The following PRSS21 variants were observed in gnomAD, a reference collection of about 807,000 sequenced individuals.
PRSS21 encodes serine protease 21.
In PRSS21, 40 loss-of-function variants were observed where a neutral mutation model predicts 31.1. That is an observed-to-expected ratio of 1.29 (90% CI 1.00 to 1.68). The LOEUF is 1.68. Among genes scored for constraint, PRSS21 ranks in the 40% most tolerant of loss-of-function variants. The pLI, the probability that PRSS21 is intolerant of heterozygous loss-of-function variation, is 0.00. For synonymous variants in PRSS21, 186 were observed against 167.7 expected (o/e 1.11, Z -0.84); for missense variants, 467 against 412.6 (o/e 1.13, Z -1.14).
At position 2,821,523 on chromosome 16, in the gene PRSS21, G is replaced by A. The variant is rs1306832230; in HGVS notation, c.863G>A (p.Ser288Asn). ...TGGATCCAGAAGCTGATGGCCCAGA[G>A]TGGCATGTCCCAGCCAGACCCCTCC... ...FEWIQKLMAQ[S>N]GMSQPDPSWP... is the part of the protein sequence containing the mutation. The change falls in exon 6 of 6, where the codon AGT (serine) becomes AAT (asparagine). Residue 288 changes from serine (S) to asparagine (N), a missense_variant. Coordinates refer to ENST00000005995, the MANE Select transcript of PRSS21 (RefSeq NM_006799.4). The A allele has an allele frequency of 1.2e-6, 2 of 1,614,122 alleles. No individual in the cohort carries two copies. Among genetic ancestry groups the A allele is most frequent in the Non-Finnish European group, 1.7e-6 (2 of 1,180,048 alleles).
At chr16:2,821,214 C>T in intron 5 of PRSS21, 105 bp downstream of exon 5, 1 of 1,546,152 alleles carries the variant, frequency 6.5e-7, no homozygotes, top group Non-Finnish European at 8.8e-7. Context: ...TTGCCCCACT[C>T]TGCAGATGCA....
intron 4 of PRSS21, among the ~76,000 whole-genome samples, chr16:2,819,326 T>C (rs532613182): frequency 3.3e-5 from 5 of 152,180 alleles, no homozygotes; most frequent in Admixed American, 2.0e-4. Context: ...CTGGGCTGCC[T>C]CTCCATGCCT....
chr16:2,820,217 G>C (rs922834521), intron 4 of PRSS21, among the ~76,000 whole-genome samples: 1 of 152,218 alleles, frequency 6.6e-6, no homozygotes, highest in African/African-American at 2.4e-5. Flanking sequence ...GTGAAATAGG[G>C]GAATGATGGT....
rs368857808 is a variant in PRSS21 at position 2,818,977 on chromosome 16, T to G, written c.550+8T>G. On this transcript the variant is annotated splice_region_variant and intron_variant, in intron 4 of 5. Coordinates refer to ENST00000005995, the MANE Select transcript of PRSS21 (RefSeq NM_006799.4). The stretch of plus-strand genomic sequence containing the variant: ...ACATCAAAGAGGATGAGGGTGAGGC[T>G]GGGGACAGGCGGGTCAGGGAGGAAC... 6.2e-7 allele frequency: 1 copy of G among 1,612,876 alleles called. No homozygotes were observed. The highest frequency in any genetic ancestry group is 1.3e-5 in the African/African-American group (1 of 74,928).
chr16:2,817,642 G>C lies in PRSS21; in HGVS notation c.92-159G>C. 7.9e-7 allele frequency: 1 copy of C among 1,260,266 alleles called. No homozygotes were observed. The highest frequency in any genetic ancestry group is 1.1e-6 in the Non-Finnish European group (1 of 923,318). 78.1% of individuals were successfully genotyped at this position (1,260,266 alleles called of 1,614,324 possible). ...ATGGGCGGGCCCTGCAGAGCACGTG[G>C]GAGGATCTCCAGTGTCACCTACTTC... On this transcript the variant is annotated intron_variant, in intron 2 of 5. Transcript: ENST00000005995. This position sits in a 1 kb window ranked among gnomAD's most constrained non-coding sequence, Gnocchi z 4.2.
intron 4 of PRSS21, among the ~76,000 whole-genome samples, chr16:2,820,659 C>T (rs1199128658): frequency 6.6e-6 from 1 of 152,176 alleles, no homozygotes. Context: ...GCCCCTCCCT[C>T]GGCTCCTTTT....
rs1363486083 is a variant in PRSS21 at position 2,817,399 on chromosome 16, G to A, written c.65-31G>A. The A allele has an allele frequency of 3.1e-6, 5 of 1,594,526 alleles. No homozygotes were observed. Among genetic ancestry groups the A allele is most frequent in the Non-Finnish European group, 4.3e-6 (5 of 1,174,860 alleles). Reference sequence around the variant, plus strand: ...GCGGTGGGGAGGACGGGAGGTGGAGGCCGCGGGGAGTCACTTCTTGTCTCC... The same window carrying A: ...GCGGTGGGGAGGACGGGAGGTGGAGACCGCGGGGAGTCACTTCTTGTCTCC... On this transcript the variant is annotated intron_variant, in intron 1 of 5. Transcript: ENST00000005995. The surrounding 1 kb of genome is among the most constrained non-coding windows in gnomAD (Gnocchi z 4.2).
chr16:2,821,425 C>A lies in PRSS21; in HGVS notation c.765C>A (p.Val255=). 1.9e-6 allele frequency: 3 copies of A among 1,614,220 alleles called. No homozygotes were observed. The East Asian group carries it at 6.7e-5, about 36-fold the overall frequency. The change falls in exon 6 of 6, where the codon GTC becomes GTA. Residue 255 remains valine (V), a synonymous_variant. Transcript: ENST00000005995. ...ATGGACTGTGGTATCAGATTGGAGT[C>A]GTGAGCTGGGGAGTGGGCTGTGGTC... is the stretch of plus-strand genomic sequence containing the variant. The part of the protein sequence containing the change: ...NKNGLWYQIG[V]VSWGVGCGRP...
Position 2,817,749 on chromosome 16 carries a change from C to A in PRSS21, c.92-52C>A, listed in dbSNP as rs528473218. 1.1e-3 allele frequency: 1,654 copies of A among 1,531,938 alleles called. 39 individuals carry two copies. In the South Asian group the frequency reaches 0.019, roughly 18 times the overall value. 94.9% of individuals were successfully genotyped at this position (1,531,938 alleles called of 1,614,324 possible). On this transcript the variant is annotated intron_variant, in intron 2 of 5. Coordinates refer to ENST00000005995, the MANE Select transcript of PRSS21 (RefSeq NM_006799.4). The surrounding 1 kb of genome is among the most constrained non-coding windows in gnomAD (Gnocchi z 4.2). ...GGTTGAAGGGGAGAAAGGGAGAGGT[C>A]GGGCTTGGGGGGCTGCCTCCCGCGG...
chr16:2,820,190 C>T (rs1436867950), intron 4 of PRSS21, among the ~76,000 whole-genome samples: 1 of 152,212 alleles, frequency 6.6e-6, no homozygotes, highest in Non-Finnish European at 1.5e-5. Flanking sequence ...TCTTACAGTG[C>T]CTCAGTTTCC....
chr16:2,820,816 G>T (rs2069158667), intron 4 of PRSS21, 139 bp from the exon 5 acceptor site: 2 of 843,884 alleles, frequency 2.4e-6, no homozygotes, highest in South Asian at 3.2e-5. Context: ...CTGGGGTCTG[G>T]GTTGGAGCTG....
chr16:2,817,607 C>A lies in PRSS21; in HGVS notation c.91+151C>A. Reference sequence around the variant, plus strand: ...TGGCGTGGAAAGTAACTAACGGACGCTGGAGGGGGATGGGCGGGCCCTGCA... The same window carrying A: ...TGGCGTGGAAAGTAACTAACGGACGATGGAGGGGGATGGGCGGGCCCTGCA... On this transcript the variant is annotated intron_variant, in intron 2 of 5. Coordinates refer to ENST00000005995, the MANE Select transcript of PRSS21 (RefSeq NM_006799.4). This position sits in a 1 kb window ranked among gnomAD's most constrained non-coding sequence, Gnocchi z 4.2. 7.6e-7 allele frequency: 1 copy of A among 1,324,052 alleles called. No homozygotes were observed. The highest frequency in any genetic ancestry group is 1.0e-6 in the Non-Finnish European group (1 of 985,696). The allele number at this position is 1,324,052 out of a possible 1,614,324, so 82.0% of individuals were successfully genotyped here.
intron 5 of PRSS21, 76 bp downstream of exon 5, chr16:2,821,185 C>A: frequency 6.3e-7 from 1 of 1,581,386 alleles, no homozygotes; most frequent in Non-Finnish European, 8.6e-7. Context: ...CTCATGCCAA[C>A]CCCGGGAGGT....
rs764070496 is a variant in PRSS21 at position 2,821,582 on chromosome 16, C to T, written c.922C>T (p.Leu308Phe). Reference sequence around the variant, plus strand: ...ACTCTTTTTCCCTCTTCTCTGGGCTCTCCCACTCCTGGGGCCGGTCTGAGC... The same window carrying T: ...ACTCTTTTTCCCTCTTCTCTGGGCTTTCCCACTCCTGGGGCCGGTCTGAGC... The part of the protein sequence containing the change: ...PLLFFPLLWA[L>F]PLLGPV Residue 308 changes from leucine (L) to phenylalanine (F), a missense_variant, in exon 6 of 6, where the codon CTC becomes TTC. Transcript: ENST00000005995. The T allele has an allele frequency of 1.2e-6, 2 of 1,613,560 alleles. No individual in the cohort carries two copies. The highest frequency in any genetic ancestry group is 2.2e-5 in the East Asian group (1 of 44,882).
chr16:2,817,862 G>A lies in PRSS21; in HGVS notation c.153G>A (p.Gly51=), dbSNP rs2069104881. The A allele has an allele frequency of 6.4e-7, 1 of 1,550,484 alleles. No individual in the cohort carries two copies. ...TGGGTGGAGAGGACGCCGAACTCGG[G>A]CGTTGGCCGTGGCAGGGGAGCCTGC... ...RIVGGEDAEL[G]RWPWQGSLRL... Residue 51 remains glycine (G), a synonymous_variant, in exon 3 of 6, where the codon GGG becomes GGA. Transcript: ENST00000005995. The surrounding 1 kb of genome is among the most constrained non-coding windows in gnomAD (Gnocchi z 4.2).
In PRSS21 at chr16:2,817,514, GGCGGT is replaced by G; in HGVS notation, c.91+60_91+64del. 1.5e-6 allele frequency: 2 copies of G among 1,369,782 alleles called. No individual in the cohort carries two copies. Among genetic ancestry groups the G allele is most frequent in the South Asian group, 1.3e-5 (1 of 76,346 alleles). 84.9% of individuals were successfully genotyped at this position (1,369,782 alleles called of 1,614,324 possible). A position where few individuals can be genotyped will look rare whatever the true frequency, so the allele number is the denominator to read the frequency against. Reference sequence around the variant, plus strand: ...GGCCGTTGGGCCGAGGTGGACGGGGGGCGGTGAGGGGGTAGAGGGGGGCCTTTACT... The same window carrying G: ...GGCCGTTGGGCCGAGGTGGACGGGGGGAGGGGGTAGAGGGGGGCCTTTACT... On this transcript the variant is annotated intron_variant, in intron 2 of 5. Transcript: ENST00000005995. This position sits in a 1 kb window ranked among gnomAD's most constrained non-coding sequence, Gnocchi z 4.2.
In PRSS21 at chr16:2,817,816, G is replaced by A. The variant is rs750152845; in HGVS notation, c.107G>A (p.Arg36Gln). 22 of 1,550,266 alleles carry A rather than the reference G, an allele frequency of 1.4e-5. No homozygotes were observed. Among genetic ancestry groups the A allele is most frequent in the Non-Finnish European group, 1.7e-5 (20 of 1,147,122 alleles). The change falls in exon 3 of 6, where the codon CGG becomes CAG. Residue 36 changes from arginine (R) to glutamine (Q), a missense_variant. Transcript: ENST00000005995. The surrounding 1 kb of genome is among the most constrained non-coding windows in gnomAD (Gnocchi z 4.2). ...AAPLSGPCGRRVITSRIVGGE... is the reference protein window; with the variant it reads ...AAPLSGPCGRQVITSRIVGGE... Reference sequence around the variant, plus strand: ...ACCATCCGAGGACCATGCGGCCGACGGGTCATCACGTCGCGCATCGTGGGT... The same window carrying A: ...ACCATCCGAGGACCATGCGGCCGACAGGTCATCACGTCGCGCATCGTGGGT...
Position 2,819,004 on chromosome 16 carries a change from G to A in PRSS21, c.550+35G>A, listed in dbSNP as rs756407122. ...GGGACAGGCGGGTCAGGGAGGAACT[G>A]TCTTTGTTCACCTGTTCCCCTGCAT... On this transcript the variant is annotated intron_variant, in intron 4 of 5. Transcript: ENST00000005995. The A allele has an allele frequency of 3.7e-6, 6 of 1,605,842 alleles. No homozygotes were observed. The African/African-American group carries it at 4.0e-5, about 11-fold the overall frequency.
intron 3 of PRSS21, 67 bp downstream of exon 3, chr16:2,818,033 A>C: frequency 6.7e-7 from 1 of 1,492,354 alleles, no homozygotes; most frequent in Non-Finnish European, 9.0e-7. Flanking sequence ...AGTGCCACCG[A>C]ACTTTACCTC....
Sources: allele counts gnomAD v4.1 joint callset (sites outside exome capture counted in the v4.1 genomes callset), GRCh38; gene constraint gnomAD v4.1.1; non-coding constraint Gnocchi (gnomAD v3.1); transcripts MANE v1.5; gene names NCBI Gene and HGNC (gene_info 2026-07-23, HGNC 2026-07-21).